DPP6: variants seen among roughly 807,000 people sequenced by gnomAD.
The protein encoded by DPP6 is A-type potassium channel modulatory protein DPP6.
A neutral mutation model predicts 122.6 loss-of-function variants in DPP6; 69 were observed. The observed-to-expected ratio is 0.56, with a 90% CI of 0.46 to 0.69. DPP6 has a LOEUF of 0.69. DPP6 is among the 30% of genes least tolerant of loss of function. The pLI, the probability that DPP6 is intolerant of heterozygous loss-of-function variation, is 0.00. For missense variants in DPP6, 928 were observed against 1,116.9 expected (o/e 0.83, Z 2.41); for synonymous variants, 418 against 433.1 (o/e 0.97, Z 0.43).
intron 16 of DPP6, among the ~76,000 whole-genome samples, chr7:154,829,552 C>T (rs959310603): frequency 6.6e-6 from 1 of 151,838 alleles, no homozygotes; most frequent in Non-Finnish European, 1.5e-5. Flanking sequence ...AGAAGAAAAA[C>T]AGACCAAGAT....
intron 12 of DPP6, among the ~76,000 whole-genome samples, chr7:154,798,612 G>A (rs1798176893): frequency 1.3e-5 from 2 of 152,226 alleles, no homozygotes; most frequent in African/African-American, 4.8e-5. Context: ...GGTCAGGTCA[G>A]CCCATCAGCT....
At chr7:154,436,215 C>G (rs1373553068) in intron 1 of DPP6, among the ~76,000 whole-genome samples, 1 of 151,060 alleles carries the variant, frequency 6.6e-6, no homozygotes, top group Non-Finnish European at 1.5e-5. Flanking sequence ...TTGTGCCTGT[C>G]TGTCCAGCTT....
chr7:154,514,838 G>A (rs932158602), intron 3 of DPP6, among the ~76,000 whole-genome samples: 1 of 152,146 alleles, frequency 6.6e-6, no homozygotes, highest in Non-Finnish European at 1.5e-5. Flanking sequence ...AAATGATGCT[G>A]CTATGCACAT....
At chr7:154,303,069 C>T (rs1163753376) in intron 1 of DPP6, among the ~76,000 whole-genome samples, 2 of 152,228 alleles carry the variant, frequency 1.3e-5, no homozygotes, top group Non-Finnish European at 2.9e-5. Context: ...GCAACTTCCG[C>T]CCCTCAGGTT....
intron 1 of DPP6, among the ~76,000 whole-genome samples, chr7:154,257,019 C>T: frequency 1.8e-5 from 2 of 112,192 alleles, no homozygotes; most frequent in Admixed American, 9.3e-5. Context: ...TTTTTGGAGA[C>T]AGTGTGTCAC....
At chr7:154,095,418 A>G (rs1276410273) in intron 1 of DPP6, 20 of 142,338 alleles carry the variant, frequency 1.4e-4, no homozygotes, top group South Asian at 2.5e-4. Context: ...CGTTTCCCGC[A>G]GGGGGCGCTC....
Position 154,755,469 on chromosome 7 carries a change from T to A in DPP6, c.884-13948T>A, listed in dbSNP as rs1843616826. The stretch of plus-strand genomic sequence containing the variant: ...AGCTGTGTGAGCTTCGGCACATTAT[T>A]TAAACTTTTTTTCCCTTAGTTCCCT... On this transcript the variant is annotated intron_variant, in intron 8 of 25. Transcript: ENST00000377770. This position sits in a 1 kb window ranked among gnomAD's most constrained non-coding sequence, Gnocchi z 4.7. Among the ~76,000 whole-genome samples the A allele has an allele frequency of 8.2e-6, 1 of 122,590 alleles. No homozygotes were observed. The highest frequency in any genetic ancestry group is 7.3e-5 in the Admixed American group (1 of 13,698). The allele number at this position is 122,590 out of a possible 152,430, so 80.4% of individuals were successfully genotyped here. A position where few individuals can be genotyped will look rare whatever the true frequency, so the allele number is the denominator to read the frequency against.
At chr7:153,984,010 C>T (rs986891729) in intron 1 of DPP6, among the ~76,000 whole-genome samples, 5 of 150,798 alleles carry the variant, frequency 3.3e-5, no homozygotes, top group Non-Finnish European at 5.9e-5. Context: ...GGCCAGGAAT[C>T]CTCCTTACAG....
the DPP6 span, among the ~76,000 whole-genome samples, chr7:153,836,418 T>C: frequency 6.6e-6 from 1 of 152,222 alleles, no homozygotes; most frequent in African/African-American, 2.4e-5. Context: ...TAGTATCTAA[T>C]ATAGCAGTTT....
chr7:154,873,006 G>A (rs73728630), intron 19 of DPP6, among the ~76,000 whole-genome samples: 7,963 of 152,250 alleles, frequency 0.052, 666 homozygotes, highest in African/African-American at 0.17. Context: ...GGCTGGCAGG[G>A]GACAGGTCCC....
At chr7:154,204,350 A>G (rs1324460726) in intron 1 of DPP6, among the ~76,000 whole-genome samples, 1 of 152,218 alleles carries the variant, frequency 6.6e-6, no homozygotes, top group African/African-American at 2.4e-5. Context: ...GGAGGGAGTC[A>G]TGGAGTTTTA....
intron 1 of DPP6, among the ~76,000 whole-genome samples, chr7:154,361,267 T>C (rs1811699441): frequency 6.6e-6 from 1 of 151,758 alleles, no homozygotes; most frequent in Non-Finnish European, 1.5e-5. Context: ...AAGCAGAAGC[T>C]GACTAACAGC....
Position 154,821,641 on chromosome 7 carries a change from T to A in DPP6, c.1666+14529T>A, listed in dbSNP as rs554499168. On this transcript the variant is annotated intron_variant, in intron 16 of 25. Coordinates refer to ENST00000377770, the MANE Select transcript of DPP6 (RefSeq NM_130797.4). This position sits in a 1 kb window ranked among gnomAD's most constrained non-coding sequence, Gnocchi z 4.2. The stretch of plus-strand genomic sequence containing the variant: ...TATTTTTTTTCTGTATATATATATA[T>A]ATATACACATATATATATATATACA... Among the ~76,000 whole-genome samples, 1 of 87,426 alleles carries A rather than the reference T, an allele frequency of 1.1e-5. No homozygotes were observed. Among genetic ancestry groups the A allele is most frequent in the East Asian group, 2.7e-4 (1 of 3,742 alleles). The allele number at this position is 87,426 out of a possible 152,430, so 57.4% of individuals were successfully genotyped here. A position where few individuals can be genotyped will look rare whatever the true frequency, so the allele number is the denominator to read the frequency against.
intron 1 of DPP6, among the ~76,000 whole-genome samples, chr7:154,199,076 T>C (rs949974955): frequency 6.6e-6 from 1 of 151,938 alleles, no homozygotes; most frequent in Admixed American, 6.6e-5. Flanking sequence ...AGACAGCAGC[T>C]GGGGTTCCTC....
At chr7:154,255,951 C>T (rs758762444) in intron 1 of DPP6, among the ~76,000 whole-genome samples, 49 of 152,234 alleles carry the variant, frequency 3.2e-4, no homozygotes, top group Non-Finnish European at 2.1e-4. Context: ...GTAATATCTG[C>T]GCTCTTTACC....
intron 4 of DPP6, among the ~76,000 whole-genome samples, chr7:154,561,941 C>T (rs1049112100): frequency 4.6e-5 from 7 of 152,116 alleles, no homozygotes; most frequent in South Asian, 2.1e-4. Flanking sequence ...AAATTGAATT[C>T]GTAGTTTAAA....
At chr7:154,208,940 A>T (rs1381665435) in intron 1 of DPP6, among the ~76,000 whole-genome samples, 1 of 152,216 alleles carries the variant, frequency 6.6e-6, no homozygotes, top group East Asian at 1.9e-4. Flanking sequence ...AAACTGTTAA[A>T]TATCAAAGAA....
At chr7:153,874,014 C>A in the DPP6 span, among the ~76,000 whole-genome samples, 1 of 152,156 alleles carries the variant, frequency 6.6e-6, no homozygotes, top group Non-Finnish European at 1.5e-5. Flanking sequence ...TTCCTCAGGA[C>A]GAAAGCCCAG....
At chr7:153,987,557 C>A (rs1796912804) in intron 1 of DPP6, among the ~76,000 whole-genome samples, 1 of 137,788 alleles carries the variant, frequency 7.3e-6, no homozygotes, top group Non-Finnish European at 1.6e-5. Context: ...GAATTCAAAC[C>A]ATTTTTTTTT....
Sources: allele counts gnomAD v4.1 joint callset (sites outside exome capture counted in the v4.1 genomes callset), GRCh38; gene constraint gnomAD v4.1.1; non-coding constraint Gnocchi (gnomAD v3.1); transcripts MANE v1.5; gene names NCBI Gene and HGNC (gene_info 2026-07-23, HGNC 2026-07-21).